Variants in ZFHX3 observed in about 807,000 individuals in gnomAD.
The protein encoded by ZFHX3 is zinc finger homeobox protein 3.
Under a neutral mutation model 279.1 loss-of-function variants are expected in ZFHX3, and 42 were observed. The ratio of observed to expected loss-of-function variants is 0.15; its 90% CI spans 0.12 to 0.19. The LOEUF (loss-of-function observed/expected upper bound fraction) is 0.19, where lower values mean the gene tolerates loss of function less well. Ranked by LOEUF, ZFHX3 falls within the 10% of genes least tolerant of loss-of-function variation. ZFHX3 has a pLI of 1.00. For missense variants in ZFHX3, 4,981 were observed against 4,754.0 expected, an observed-to-expected ratio of 1.05 and a Z score of -1.40; for synonymous variants, 2,293 against 1,957.8, an observed-to-expected ratio of 1.17 and a Z score of -4.52.
chr16:73,472,993 T>G (rs1461371608), intron 2 of ZFHX3, among the ~76,000 whole-genome samples: 2 of 151,942 alleles, frequency 1.3e-5, no homozygotes, highest in African/African-American at 4.8e-5. Flanking sequence ...CTGTCTTTTT[T>G]TTTTTTTTGC....
intron 3 of ZFHX3, among the ~76,000 whole-genome samples, chr16:73,345,392 C>A (rs2016104704): frequency 7.1e-6 from 1 of 141,624 alleles, no homozygotes; most frequent in African/African-American, 2.6e-5. Flanking sequence ...CTCCCTCCCC[C>A]CACCCCACCC....
At chr16:73,404,153 G>C (rs75424282) in intron 3 of ZFHX3, among the ~76,000 whole-genome samples, 1,824 of 152,164 alleles carry the variant, frequency 0.012, 53 homozygotes, top group African/African-American at 0.041. Context: ...TCAGGGGCTG[G>C]GGGAAAGCTA....
intron 1 of ZFHX3, among the ~76,000 whole-genome samples, chr16:73,880,832 G>A (rs1037874689): frequency 2.6e-5 from 4 of 152,078 alleles, no homozygotes; most frequent in African/African-American, 9.7e-5. Flanking sequence ...GTTTTCAGTC[G>A]GATAGTAATC....
intron 1 of ZFHX3, among the ~76,000 whole-genome samples, chr16:72,973,098 G>A (rs1332507122): frequency 6.6e-6 from 1 of 152,164 alleles, no homozygotes; most frequent in Non-Finnish European, 1.5e-5. Flanking sequence ...ACTTGAATAT[G>A]TGTCTCATAC....
At chr16:73,475,342 T>A (rs995125463) in intron 2 of ZFHX3, among the ~76,000 whole-genome samples, 47 of 152,200 alleles carry the variant, frequency 3.1e-4, no homozygotes, top group African/African-American at 1.0e-3. Flanking sequence ...TCTGTTTCCA[T>A]GAAAGCAAAA....
chr16:73,712,032 A>C (rs2053368039), intron 1 of ZFHX3, among the ~76,000 whole-genome samples: 1 of 152,240 alleles, frequency 6.6e-6, no homozygotes, highest in Admixed American at 6.5e-5. Context: ...TCATCGAGTC[A>C]CTGAATAAAC....
intron 2 of ZFHX3, among the ~76,000 whole-genome samples, chr16:73,474,615 C>T (rs2018733175): frequency 6.6e-6 from 1 of 152,136 alleles, no homozygotes; most frequent in South Asian, 2.1e-4. Flanking sequence ...GCATCAGCCC[C>T]CTGAGTTTTC....
intron 2 of ZFHX3, among the ~76,000 whole-genome samples, chr16:73,508,192 C>A (rs570340972): frequency 6.6e-6 from 1 of 151,544 alleles, no homozygotes; most frequent in African/African-American, 2.4e-5. Context: ...GGCCTCAATG[C>A]CATCTGTGAA....
chr16:73,807,694 C>T (rs1960317439), intron 1 of ZFHX3, among the ~76,000 whole-genome samples: 1 of 134,296 alleles, frequency 7.4e-6, no homozygotes, highest in African/African-American at 2.8e-5. Flanking sequence ...TGGTCTTGAA[C>T]TCCTGAGCTC....
intron 4 of ZFHX3, among the ~76,000 whole-genome samples, chr16:72,869,210 A>G (rs1032774766): frequency 1.3e-4 from 20 of 152,272 alleles, no homozygotes; most frequent in Middle Eastern, 3.4e-3. Context: ...AATACTGGGG[A>G]GACTAGAAAC....
In ZFHX3 at chr16:73,534,209, T is replaced by C. The variant is rs368902615; in HGVS notation, c.-1546-77951A>G. 2.6e-5 allele frequency among the ~76,000 whole-genome samples: 4 copies of C among 152,158 alleles called. No individual in the cohort carries two copies. The East Asian group carries it at 5.8e-4, about 22-fold the overall frequency. ...CATGGTGAATTCTTCAATGTTTCTT[T>C]AACACACAAAGTATACTTCCACTTT... On this transcript the variant is annotated intron_variant, in intron 2 of 17. Coordinates refer to the ZFHX3 transcript ENST00000641206.
At chr16:72,807,302 C>G (rs1262024703) in intron 7 of ZFHX3, 1 of 152,172 alleles carries the variant, frequency 6.6e-6, no homozygotes, top group Non-Finnish European at 1.5e-5. Context: ...TTTGATATGA[C>G]GTGTGCAGAG....
At chr16:73,264,427 T>G (rs1284918813) in intron 4 of ZFHX3, among the ~76,000 whole-genome samples, 1 of 152,018 alleles carries the variant, frequency 6.6e-6, no homozygotes, top group East Asian at 1.9e-4. Flanking sequence ...TTTACAACTT[T>G]CCCCACAACT....
intron 3 of ZFHX3, among the ~76,000 whole-genome samples, chr16:73,353,217 A>T (rs555145801): frequency 6.6e-6 from 1 of 152,360 alleles, no homozygotes; most frequent in East Asian, 1.9e-4. Context: ...GCAAGAGACA[A>T]GAAAAATATT....
At chr16:72,849,860 C>CAA (rs542156633) in intron 4 of ZFHX3, among the ~76,000 whole-genome samples, 3 of 56,552 alleles carry the variant, frequency 5.3e-5, no homozygotes, top group Non-Finnish European at 8.9e-5. Context: ...GTTCACCTAC[C>CAA]AAAAAAAAAA....
intron 1 of ZFHX3, among the ~76,000 whole-genome samples, chr16:72,994,608 G>A (rs1238442561): frequency 1.3e-5 from 2 of 152,252 alleles, no homozygotes; most frequent in Non-Finnish European, 2.9e-5. Context: ...GCAGGGAGCA[G>A]CAGGCTCCCC....
intron 1 of ZFHX3, among the ~76,000 whole-genome samples, chr16:73,799,789 A>G (rs1198244996): frequency 6.6e-6 from 1 of 152,194 alleles, no homozygotes; most frequent in Non-Finnish European, 1.5e-5. Flanking sequence ...AATGTGGGAG[A>G]CAAAAAGCAT....
chr16:73,183,595 T>C (rs1477693332), intron 5 of ZFHX3, among the ~76,000 whole-genome samples: 1 of 152,222 alleles, frequency 6.6e-6, no homozygotes, highest in Non-Finnish European at 1.5e-5. Context: ...CCTCTGGAGA[T>C]GGTTGGGGCT....
At chr16:72,818,413 T>A (rs1303156743) in intron 5 of ZFHX3, among the ~76,000 whole-genome samples, 1 of 152,240 alleles carries the variant, frequency 6.6e-6, no homozygotes, top group Non-Finnish European at 1.5e-5. Flanking sequence ...TTGAATCTCC[T>A]GTGGAGCTAC....
Sources: allele counts gnomAD v4.1 joint callset (sites outside exome capture counted in the v4.1 genomes callset), GRCh38; gene constraint gnomAD v4.1.1; transcripts MANE v1.5; gene names NCBI Gene and HGNC (gene_info 2026-07-23, HGNC 2026-07-21).